Variants in CCSER1 observed in about 807,000 individuals in gnomAD.
The protein encoded by CCSER1 is coiled-coil serine rich protein 1.
In CCSER1, 41 loss-of-function variants were observed where a neutral mutation model predicts 82.0. The ratio of observed to expected loss-of-function variants is 0.50; its 90% CI spans 0.39 to 0.65. CCSER1 has a LOEUF of 0.65. CCSER1 is among the 30% of genes least tolerant of loss of function. The probability of loss-of-function intolerance (pLI) is 0.00; values close to 1 mark genes in which losing one functional copy is unlikely to be tolerated. For synonymous variants in CCSER1, 414 were observed against 383.9 expected (o/e 1.08, Z -0.92); for missense variants, 1,119 against 1,064.2 (o/e 1.05, Z -0.72).
intron 5 of CCSER1, among the ~76,000 whole-genome samples, chr4:90,612,592 C>T (rs552425288): frequency 6.6e-6 from 1 of 152,146 alleles, no homozygotes; most frequent in Non-Finnish European, 1.5e-5. Flanking sequence ...CTCCAAGCCA[C>T]TTCATTCTCC....
At chr4:90,221,770 A>G (rs985924397) in intron 1 of CCSER1, among the ~76,000 whole-genome samples, 2 of 152,256 alleles carry the variant, frequency 1.3e-5, no homozygotes, top group East Asian at 1.9e-4. Context: ...ATGAGTTTAG[A>G]TGCCTTGACT....
At chr4:91,102,366 T>C (rs1346812708) in intron 10 of CCSER1, among the ~76,000 whole-genome samples, 1 of 152,200 alleles carries the variant, frequency 6.6e-6, no homozygotes, top group South Asian at 2.1e-4. Context: ...TTTTATGACA[T>C]TGTAGCTTCG....
At chr4:91,086,082 T>TA (rs1723367628) in intron 10 of CCSER1, 88 bp downstream of exon 10, 1 of 791,592 alleles carries the variant, frequency 1.3e-6, no homozygotes, top group Admixed American at 2.4e-5. Flanking sequence ...TGACGATAAT[T>TA]ACGTTGATAA....
intron 3 of CCSER1, chr4:90,325,798 A>G (rs1238185216): frequency 1.2e-5 from 3 of 250,348 alleles, no homozygotes; most frequent in African/African-American, 2.2e-5. Context: ...ATTAACATCA[A>G]TAAATTAAAT....
intron 7 of CCSER1, among the ~76,000 whole-genome samples, chr4:90,757,919 C>T (rs528026155): frequency 6.6e-6 from 1 of 150,558 alleles, no homozygotes; most frequent in South Asian, 2.1e-4. Flanking sequence ...GTACAATAGT[C>T]CTTGTTTCCT....
intron 10 of CCSER1, among the ~76,000 whole-genome samples, chr4:91,205,418 A>G (rs1046380302): frequency 6.6e-6 from 1 of 151,816 alleles, no homozygotes; most frequent in African/African-American, 2.4e-5. Flanking sequence ...CAGACAATTC[A>G]TGTCTCTTTA....
At chr4:90,762,732 A>G (rs1750599298) in intron 7 of CCSER1, among the ~76,000 whole-genome samples, 2 of 152,180 alleles carry the variant, frequency 1.3e-5, no homozygotes, top group African/African-American at 2.4e-5. Context: ...AAATACATGT[A>G]GTGGGCTGAA....
chr4:91,193,714 T>G (rs1182286245), intron 10 of CCSER1, among the ~76,000 whole-genome samples: 1 of 152,214 alleles, frequency 6.6e-6, no homozygotes, highest in Admixed American at 6.5e-5. Context: ...GTCCCTATTT[T>G]AAACTCTATG....
At chr4:90,255,699 A>G (rs1359698638) in intron 1 of CCSER1, among the ~76,000 whole-genome samples, 4 of 152,192 alleles carry the variant, frequency 2.6e-5, no homozygotes, top group African/African-American at 9.6e-5. Flanking sequence ...ATTACATAGA[A>G]ATTATAGTTG....
chr4:91,162,226 A>T (rs1163649153), intron 10 of CCSER1, among the ~76,000 whole-genome samples: 1 of 152,118 alleles, frequency 6.6e-6, no homozygotes, highest in Non-Finnish European at 1.5e-5. Flanking sequence ...TATGTGATGG[A>T]TTATGTTTAT....
intron 4 of CCSER1, among the ~76,000 whole-genome samples, chr4:90,452,631 T>A (rs1560539379): frequency 6.6e-6 from 1 of 152,160 alleles, no homozygotes; most frequent in Non-Finnish European, 1.5e-5. Flanking sequence ...TTCTGAGACA[T>A]AAAGATTGAA....
At chr4:90,296,289 C>T (rs537892533) in intron 1 of CCSER1, among the ~76,000 whole-genome samples, 3 of 152,002 alleles carry the variant, frequency 2.0e-5, no homozygotes, top group South Asian at 2.1e-4. Flanking sequence ...TTGTAACAGA[C>T]GGTTTTAAAA....
At chr4:90,157,545 C>T (rs1406261847) in intron 1 of CCSER1, among the ~76,000 whole-genome samples, 3 of 152,106 alleles carry the variant, frequency 2.0e-5, no homozygotes, top group Admixed American at 6.6e-5. Context: ...TCACATAGTC[C>T]CATATTTCTT....
At chr4:90,823,251 C>T (rs1289082851) in intron 8 of CCSER1, among the ~76,000 whole-genome samples, 1 of 151,776 alleles carries the variant, frequency 6.6e-6, no homozygotes, top group Non-Finnish European at 1.5e-5. Flanking sequence ...ACACATTTTT[C>T]CCCACACACT....
At chr4:90,933,352 T>C (rs1429277162) in intron 9 of CCSER1, among the ~76,000 whole-genome samples, 2 of 151,598 alleles carry the variant, frequency 1.3e-5, no homozygotes, top group African/African-American at 2.4e-5. Flanking sequence ...CACGCCCGGC[T>C]AATTTTTTGT....
intron 3 of CCSER1, among the ~76,000 whole-genome samples, chr4:90,337,848 A>C (rs1375341395): frequency 6.6e-6 from 1 of 152,142 alleles, no homozygotes; most frequent in Non-Finnish European, 1.5e-5. Context: ...AATGATGAGA[A>C]GTGCGGTATT....
intron 1 of CCSER1, among the ~76,000 whole-genome samples, chr4:90,128,516 T>TGC (rs1553934318): frequency 0.012 from 1,574 of 128,570 alleles, 9 homozygotes; most frequent in African/African-American, 0.029. Context: ...TGTGTGTGTG[T>TGC]GCGCGCGCGC....
intron 5 of CCSER1, among the ~76,000 whole-genome samples, chr4:90,469,501 A>G (rs200611874): frequency 2.0e-5 from 3 of 148,906 alleles, no homozygotes; most frequent in East Asian, 4.1e-4. Flanking sequence ...TATATTAGAA[A>G]GCTCAAATGT....
intron 3 of CCSER1, among the ~76,000 whole-genome samples, chr4:90,379,523 A>T (rs1007084460): frequency 3.3e-5 from 5 of 152,176 alleles, no homozygotes; most frequent in Non-Finnish European, 7.3e-5. Flanking sequence ...GCTTTCCCAC[A>T]TGATTAATGG....
Sources: allele counts gnomAD v4.1 joint callset (sites outside exome capture counted in the v4.1 genomes callset), GRCh38; gene constraint gnomAD v4.1.1; transcripts MANE v1.5; gene names NCBI Gene and HGNC (gene_info 2026-07-23, HGNC 2026-07-21).